CLDN4: variants seen among roughly 807,000 people sequenced by gnomAD.
The protein encoded by CLDN4 is claudin-4.
In CLDN4, 12 loss-of-function variants were observed where a neutral mutation model predicts 13.7. That is an observed-to-expected ratio of 0.88 (90% CI 0.56 to 1.42). The LOEUF is 1.42. CLDN4 is among the 40% of genes most tolerant of loss of function. The pLI is 0.00. For synonymous variants in CLDN4, 152 were observed against 140.6 expected (o/e 1.08, Z -0.57); for missense variants, 252 against 297.4 (o/e 0.85, Z 1.12).
Position 73,831,671 on chromosome 7 carries a change from A to G in CLDN4, c.470A>G (p.Lys157Arg). The G allele has an allele frequency of 6.2e-7, 1 of 1,614,170 alleles. No individual in the cohort carries two copies. The highest frequency in any genetic ancestry group is 8.5e-7 in the Non-Finnish European group (1 of 1,180,006). Reference protein sequence around the residue: ...FYNPLVASGQKREMGASLYVG... With the variant: ...FYNPLVASGQRREMGASLYVG... Reference sequence around the variant, plus strand: ...AATCCGCTGGTGGCCTCCGGGCAGAAGCGGGAGATGGGTGCCTCGCTCTAC... The same window carrying G: ...AATCCGCTGGTGGCCTCCGGGCAGAGGCGGGAGATGGGTGCCTCGCTCTAC... The change falls in exon 1 of 1, where the codon AAG (lysine) becomes AGG (arginine). Residue 157 changes from lysine (K) to arginine (R), a missense_variant. Lys to Arg is a conservative substitution (Grantham distance 26). Transcript: ENST00000340958.
At position 73,831,241 on chromosome 7, in the gene CLDN4, G is replaced by A. The variant is rs1175384945; in HGVS notation, c.40G>A (p.Ala14Thr). The change falls in exon 1 of 1, where the codon GCC becomes ACC. Residue 14 changes from alanine to threonine, a missense_variant. Coordinates refer to ENST00000340958, the MANE Select transcript of CLDN4 (RefSeq NM_001305.5). ...MGLQVMGIALAVLGWLAVMLC... is the reference protein window; with the variant it reads ...MGLQVMGIALTVLGWLAVMLC... Reference sequence around the variant, plus strand: ...GCTACAGGTAATGGGCATCGCGCTGGCCGTCCTGGGCTGGCTGGCCGTCAT... The same window carrying A: ...GCTACAGGTAATGGGCATCGCGCTGACCGTCCTGGGCTGGCTGGCCGTCAT... The A allele has an allele frequency of 6.3e-7, 1 of 1,596,180 alleles. No individual in the cohort carries two copies. The highest frequency in any genetic ancestry group is 1.7e-5 in the Admixed American group (1 of 59,166).
In CLDN4 at chr7:73,831,920, C is replaced by T. The variant is rs939066283; in HGVS notation, c.*89C>T. 1.6e-5 allele frequency: 24 copies of T among 1,480,926 alleles called. No homozygotes were observed. The highest frequency in any genetic ancestry group is 1.9e-4 in the Middle Eastern group (1 of 5,378). 91.7% of individuals were successfully genotyped at this position (1,480,926 alleles called of 1,614,324 possible). On this transcript the variant is annotated 3_prime_UTR_variant, in exon 1 of 1. Transcript: ENST00000340958. The stretch of plus-strand genomic sequence containing the variant: ...CTGTGACCCCAGGAGGGCCCTGCCA[C>T]GGGCCACTGGCTGCTGGGGACTGGG...
At position 73,831,826 on chromosome 7, in the gene CLDN4, G is replaced by C. The variant is rs782593567; in HGVS notation, c.625G>C (p.Val209Leu). The change falls in exon 1 of 1, where the codon GTG becomes CTG. Residue 209 changes from valine (V) to leucine (L), a missense_variant. Coordinates refer to ENST00000340958, the MANE Select transcript of CLDN4 (RefSeq NM_001305.5). The stretch of plus-strand genomic sequence containing the variant: ...CCGCTCTGCTGCTGCCAGCAACTAC[G>C]TGTAAGGTGCCACGGCTCCACTCTG... Reference protein sequence around the residue: ...AARSAAASNYV With the variant: ...AARSAAASNYL 6.4e-7 allele frequency: 1 copy of C among 1,564,402 alleles called. No individual in the cohort carries two copies. The highest frequency in any genetic ancestry group is 1.2e-5 in the South Asian group (1 of 81,926).
At position 73,831,235 on chromosome 7, in the gene CLDN4, G is replaced by A. The variant is rs782629608; in HGVS notation, c.34G>A (p.Ala12Thr). 2.5e-6 allele frequency: 4 copies of A among 1,592,086 alleles called. No homozygotes were observed. Among genetic ancestry groups the A allele is most frequent in the Admixed American group, 1.7e-5 (1 of 58,966 alleles). The change falls in exon 1 of 1, where the codon GCG becomes ACG. Residue 12 changes from alanine to threonine, a missense_variant. By Grantham distance (58) the Ala-to-Thr change is moderately conservative. Coordinates refer to ENST00000340958, the MANE Select transcript of CLDN4 (RefSeq NM_001305.5). ...CATGGGGCTACAGGTAATGGGCATC[G>A]CGCTGGCCGTCCTGGGCTGGCTGGC... ...ASMGLQVMGIALAVLGWLAVM... is the reference protein window; with the variant it reads ...ASMGLQVMGITLAVLGWLAVM...
Position 73,831,109 on chromosome 7 carries a change from C to A in CLDN4, c.-93C>A. 2.8e-6 allele frequency: 4 copies of A among 1,445,796 alleles called. No homozygotes were observed. Among genetic ancestry groups the A allele is most frequent in the Non-Finnish European group, 3.7e-6 (4 of 1,082,394 alleles). The allele number at this position is 1,445,796 out of a possible 1,614,324, so 89.6% of individuals were successfully genotyped here. A position where few individuals can be genotyped will look rare whatever the true frequency, so the allele number is the denominator to read the frequency against. On this transcript the variant is annotated 5_prime_UTR_variant, in exon 1 of 1. Coordinates refer to ENST00000340958, the MANE Select transcript of CLDN4 (RefSeq NM_001305.5). The stretch of plus-strand genomic sequence containing the variant: ...ACGGTGCAAAGGTGCACTCTGCGAA[C>A]GTTAAGTCCGTCCCCAGCGCTTGGA...
In CLDN4 at chr7:73,831,437, C is replaced by A. The variant is rs372116449; in HGVS notation, c.236C>A (p.Ala79Glu). 1 of 1,614,142 alleles carries A rather than the reference C, an allele frequency of 6.2e-7. No individual in the cohort carries two copies. Among genetic ancestry groups the A allele is most frequent in the Non-Finnish European group, 8.5e-7 (1 of 1,180,020 alleles). Residue 79 changes from alanine to glutamate, a missense_variant, in exon 1 of 1, where the codon GCG becomes GAG. Transcript: ENST00000340958. ...SLLALPQDLQ[A>E]ARALVIISII... ...CTGGCACTGCCGCAGGACCTGCAGG[C>A]GGCCCGCGCCCTCGTCATCATCAGC...
At position 73,831,072 on chromosome 7, in the gene CLDN4, A is replaced by G; in HGVS notation, c.-130A>G. The G allele has an allele frequency of 8.5e-7, 1 of 1,177,338 alleles. No homozygotes were observed. The highest frequency in any genetic ancestry group is 1.5e-5 in the South Asian group (1 of 65,628). 72.9% of individuals were successfully genotyped at this position (1,177,338 alleles called of 1,614,324 possible). On this transcript the variant is annotated 5_prime_UTR_variant, in exon 1 of 1. Coordinates refer to ENST00000340958, the MANE Select transcript of CLDN4 (RefSeq NM_001305.5). ...TGGCTTGCGCATCAGGACTGGCTTT[A>G]TCTCCTGACTCACGGTGCAAAGGTG...
In CLDN4 at chr7:73,831,189, T is replaced by C. The variant is rs8629; in HGVS notation, c.-13T>C. 1,100,571 of 1,538,832 alleles carry C rather than the reference T, an allele frequency of 0.72. 398,367 individuals carry two copies. Among genetic ancestry groups the C allele is most frequent in the Non-Finnish European group, 0.75 (860,187 of 1,141,550 alleles). ...CAGCCTTCCAGGTCCTCAACTCCCG[T>C]GGACGCTGAACAATGGCCTCCATGG... On this transcript the variant is annotated 5_prime_UTR_variant, in exon 1 of 1. Coordinates refer to ENST00000340958, the MANE Select transcript of CLDN4 (RefSeq NM_001305.5).
chr7:73,831,855 C>G lies in CLDN4; in HGVS notation c.*24C>G, dbSNP rs782151684. On this transcript the variant is annotated 3_prime_UTR_variant, in exon 1 of 1. Coordinates refer to ENST00000340958, the MANE Select transcript of CLDN4 (RefSeq NM_001305.5). The stretch of plus-strand genomic sequence containing the variant: ...AAGGTGCCACGGCTCCACTCTGTTC[C>G]TCTCTGCTTTGTTCTTCCCTGGACT... 1 of 1,546,754 alleles carries G rather than the reference C, an allele frequency of 6.5e-7. No individual in the cohort carries two copies. The highest frequency in any genetic ancestry group is 1.3e-5 in the South Asian group (1 of 79,864).
In CLDN4 at chr7:73,831,322, G is replaced by T. The variant is rs1554634048; in HGVS notation, c.121G>T (p.Val41Phe). The T allele has an allele frequency of 6.2e-7, 1 of 1,613,968 alleles. No homozygotes were observed. Among genetic ancestry groups the T allele is most frequent in the East Asian group, 2.2e-5 (1 of 44,868 alleles). ...GACGGCCTTCATCGGCAGCAACATT[G>T]TCACCTCGCAGACCATCTGGGAGGG... Reference protein sequence around the residue: ...RVTAFIGSNIVTSQTIWEGLW... With the variant: ...RVTAFIGSNIFTSQTIWEGLW... The change falls in exon 1 of 1, where the codon GTC (valine) becomes TTC (phenylalanine). Residue 41 changes from valine (V) to phenylalanine (F), a missense_variant. Coordinates refer to ENST00000340958, the MANE Select transcript of CLDN4 (RefSeq NM_001305.5).
chr7:73,831,987 CAGCCTCT>C lies in CLDN4; in HGVS notation c.*157_*163del. ...AGCCAGGCAGGAAGGCAGCAGCCTT[CAGCCTCT>C]CTGGCCCACTCGGACAACTTCCCAA... On this transcript the variant is annotated 3_prime_UTR_variant, in exon 1 of 1. Transcript: ENST00000340958. 1 of 1,041,516 alleles carries C rather than the reference CAGCCTCT, an allele frequency of 9.6e-7. No homozygotes were observed. Among genetic ancestry groups the C allele is most frequent in the Non-Finnish European group, 1.4e-6 (1 of 720,152 alleles). The allele number at this position is 1,041,516 out of a possible 1,614,324, so 64.5% of individuals were successfully genotyped here. A position where few individuals can be genotyped will look rare whatever the true frequency, so the allele number is the denominator to read the frequency against.
chr7:73,831,185 C>A lies in CLDN4; in HGVS notation c.-17C>A, dbSNP rs782700133. ...CCCTCAGCCTTCCAGGTCCTCAACT[C>A]CCGTGGACGCTGAACAATGGCCTCC... On this transcript the variant is annotated 5_prime_UTR_variant, in exon 1 of 1. Transcript: ENST00000340958. 1 of 1,538,000 alleles carries A rather than the reference C, an allele frequency of 6.5e-7. No homozygotes were observed. The highest frequency in any genetic ancestry group is 1.3e-5 in the South Asian group (1 of 79,294).
At position 73,831,010 on chromosome 7, in the gene CLDN4, G is replaced by A. The variant is rs535379767; in HGVS notation, c.-192G>A. 8.6e-6 allele frequency: 5 copies of A among 584,132 alleles called. No homozygotes were observed. The highest frequency in any genetic ancestry group is 3.2e-5 in the South Asian group (1 of 30,966). The allele number at this position is 584,132 out of a possible 1,614,324, so 36.2% of individuals were successfully genotyped here. A position where few individuals can be genotyped will look rare whatever the true frequency, so the allele number is the denominator to read the frequency against. ...GTCCCCGAGAGAGAGTGCCCTGGCAGCTGTCGGCTGGAAGGAACTGGTCTG... is the reference window on the plus strand; with the variant it reads ...GTCCCCGAGAGAGAGTGCCCTGGCAACTGTCGGCTGGAAGGAACTGGTCTG... On this transcript the variant is annotated 5_prime_UTR_variant, in exon 1 of 1. Coordinates refer to ENST00000340958, the MANE Select transcript of CLDN4 (RefSeq NM_001305.5).
rs1554634298 is a variant in CLDN4, at chr7:73,832,601, T to C, written c.*770T>C. The C allele has an allele frequency of 6.0e-6, 1 of 166,928 alleles. No individual in the cohort carries two copies. The allele number at this position is 166,928 out of a possible 1,614,324, so 10.3% of individuals were successfully genotyped here. On this transcript the variant is annotated 3_prime_UTR_variant, in exon 1 of 1. Transcript: ENST00000340958. ...TGGGGTTTTTCCTCTTCCTTCTTTG[T>C]GGTTTCTGTTTTGTAATTTAAGAAG...
At position 73,831,771 on chromosome 7, in the gene CLDN4, C is replaced by G; in HGVS notation, c.570C>G (p.Asp190Glu). ...GCTGCAACTGTCCACCCCGCACAGA[C>G]AAGCCTTACTCCGCCAAGTATTCTG... ...LLCCNCPPRT[D>E]KPYSAKYSAA... The change falls in exon 1 of 1, where the codon GAC becomes GAG. Residue 190 changes from aspartate to glutamate, a missense_variant. Physicochemically the swap from Asp to Glu is conservative, Grantham distance 45. Transcript: ENST00000340958. 1 of 1,602,206 alleles carries G rather than the reference C, an allele frequency of 6.2e-7. No individual in the cohort carries two copies. Among genetic ancestry groups the G allele is most frequent in the Non-Finnish European group, 8.5e-7 (1 of 1,172,632 alleles).
In CLDN4 at chr7:73,831,011, C is replaced by A; in HGVS notation, c.-191C>A. On this transcript the variant is annotated 5_prime_UTR_variant, in exon 1 of 1. The change creates a new upstream start codon in the 5' untranslated region. Coordinates refer to ENST00000340958, the MANE Select transcript of CLDN4 (RefSeq NM_001305.5). ...TCCCCGAGAGAGAGTGCCCTGGCAG[C>A]TGTCGGCTGGAAGGAACTGGTCTGC... 1.7e-6 allele frequency: 1 copy of A among 588,764 alleles called. No individual in the cohort carries two copies. Among genetic ancestry groups the A allele is most frequent in the Non-Finnish European group, 2.8e-6 (1 of 358,360 alleles). The allele number at this position is 588,764 out of a possible 1,614,324, so 36.5% of individuals were successfully genotyped here.
At position 73,831,137 on chromosome 7, in the gene CLDN4, C is replaced by A; in HGVS notation, c.-65C>A. 6.7e-7 allele frequency: 1 copy of A among 1,501,016 alleles called. No individual in the cohort carries two copies. Among genetic ancestry groups the A allele is most frequent in the South Asian group, 1.3e-5 (1 of 75,562 alleles). The allele number at this position is 1,501,016 out of a possible 1,614,324, so 93.0% of individuals were successfully genotyped here. On this transcript the variant is annotated 5_prime_UTR_variant, in exon 1 of 1. Transcript: ENST00000340958. ...TAAGTCCGTCCCCAGCGCTTGGAAT[C>A]CTACGGCCCCCACAGCCGGATCCCC...
chr7:73,831,923 G>A lies in CLDN4; in HGVS notation c.*92G>A. 6.8e-7 allele frequency: 1 copy of A among 1,479,236 alleles called. No individual in the cohort carries two copies. The highest frequency in any genetic ancestry group is 9.1e-7 in the Non-Finnish European group (1 of 1,102,288). 91.6% of individuals were successfully genotyped at this position (1,479,236 alleles called of 1,614,324 possible). Reference sequence around the variant, plus strand: ...TGACCCCAGGAGGGCCCTGCCACGGGCCACTGGCTGCTGGGGACTGGGGAC... The same window carrying A: ...TGACCCCAGGAGGGCCCTGCCACGGACCACTGGCTGCTGGGGACTGGGGAC... On this transcript the variant is annotated 3_prime_UTR_variant, in exon 1 of 1. Transcript: ENST00000340958.
At position 73,831,890 on chromosome 7, in the gene CLDN4, G is replaced by A. The variant is rs533273255; in HGVS notation, c.*59G>A. 250 of 1,517,268 alleles carry A rather than the reference G, an allele frequency of 1.6e-4. No homozygotes were observed. The highest frequency in any genetic ancestry group is 2.1e-4 in the Non-Finnish European group (237 of 1,131,260). 94.0% of individuals were successfully genotyped at this position (1,517,268 alleles called of 1,614,324 possible). On this transcript the variant is annotated 3_prime_UTR_variant, in exon 1 of 1. Transcript: ENST00000340958. Reference sequence around the variant, plus strand: ...TGTTCTTCCCTGGACTGAGCTCAGCGCAGGCTGTGACCCCAGGAGGGCCCT... The same window carrying A: ...TGTTCTTCCCTGGACTGAGCTCAGCACAGGCTGTGACCCCAGGAGGGCCCT...
Sources: allele counts gnomAD v4.1 joint callset, GRCh38; gene constraint gnomAD v4.1.1; transcripts MANE v1.5; gene names NCBI Gene and HGNC (gene_info 2026-07-23, HGNC 2026-07-21).